The following FBXO15 variants were observed in gnomAD, a reference collection of about 807,000 sequenced individuals.
The protein encoded by FBXO15 is F-box protein 15, also known as F-box only protein 15.
A neutral mutation model predicts 49.5 loss-of-function variants in FBXO15; 30 were observed. The ratio of observed to expected loss-of-function variants is 0.61; its 90% CI spans 0.45 to 0.82. The LOEUF (loss-of-function observed/expected upper bound fraction) is 0.82. FBXO15 is among the 40% of genes least tolerant of loss of function. The probability of loss-of-function intolerance (pLI) is 0.00; values close to 1 mark genes in which losing one functional copy is unlikely to be tolerated. For synonymous variants in FBXO15, 250 were observed against 232.7 expected (o/e 1.07, Z -0.68); for missense variants, 591 against 631.5 (o/e 0.94, Z 0.69).
intron 8 of FBXO15, among the ~76,000 whole-genome samples, chr18:74,119,751 G>C (rs1387673929): frequency 6.6e-6 from 1 of 152,178 alleles, no homozygotes; most frequent in Admixed American, 6.5e-5. Context: ...GAGTGGGGAG[G>C]ACAGAAAAGG....
At chr18:74,093,524 T>A (rs1458596217) in intron 8 of FBXO15, among the ~76,000 whole-genome samples, 1 of 152,086 alleles carries the variant, frequency 6.6e-6, no homozygotes, top group African/African-American at 2.4e-5. Flanking sequence ...CTCAGGTGAG[T>A]CTGGCCTCAT....
intron 8 of FBXO15, among the ~76,000 whole-genome samples, chr18:74,118,562 T>A (rs1425988043): frequency 3.9e-5 from 6 of 152,104 alleles, no homozygotes; most frequent in African/African-American, 1.4e-4. Context: ...AAATTCTGTA[T>A]AAAGACTGTA....
intron 8 of FBXO15, among the ~76,000 whole-genome samples, chr18:74,118,450 T>G (rs1323327099): frequency 1.0e-4 from 14 of 139,256 alleles, no homozygotes; most frequent in Non-Finnish European, 4.7e-5. Context: ...ACACACATGT[T>G]GTATAAACAT....
chr18:74,139,200 T>A (rs866087985), intron 2 of FBXO15, among the ~76,000 whole-genome samples: 22 of 152,182 alleles, frequency 1.4e-4, no homozygotes, highest in Non-Finnish European at 1.0e-4. Context: ...GATCCATTTG[T>A]TTTCTCAACA....
chr18:74,106,971 T>C (rs1339286721), intron 8 of FBXO15, among the ~76,000 whole-genome samples: 1 of 152,148 alleles, frequency 6.6e-6, no homozygotes, highest in Non-Finnish European at 1.5e-5. Context: ...AAGAATGTAA[T>C]ATTGTTCACA....
intron 8 of FBXO15, among the ~76,000 whole-genome samples, chr18:74,116,661 C>T (rs1338593117): frequency 6.6e-6 from 1 of 152,170 alleles, no homozygotes; most frequent in Non-Finnish European, 1.5e-5. Context: ...GTGTGCCCTT[C>T]CTCAGAACAT....
In FBXO15 at chr18:74,140,314, T is replaced by C; in HGVS notation, c.117-2A>G. The C allele has an allele frequency of 6.5e-7, 1 of 1,547,690 alleles. No individual in the cohort carries two copies. The highest frequency in any genetic ancestry group is 8.7e-7 in the Non-Finnish European group (1 of 1,145,726). ...GAAAGCTTGACCCCTGGCCCCTTTC[T>C]GAAAGTAAATGTGGGAAATTCAAAT... On this transcript the variant is annotated splice_acceptor_variant, in intron 1 of 9. Coordinates refer to ENST00000419743, the MANE Select transcript of FBXO15 (RefSeq NM_001142958.2). LOFTEE classifies it high-confidence loss of function.
At chr18:74,103,856 T>C (rs924977201) in intron 8 of FBXO15, among the ~76,000 whole-genome samples, 1 of 152,126 alleles carries the variant, frequency 6.6e-6, no homozygotes, top group South Asian at 2.1e-4. Context: ...ACCAGACCTA[T>C]CTTATAAGAA....
intron 1 of FBXO15, among the ~76,000 whole-genome samples, chr18:74,143,498 T>C (rs1425111075): frequency 6.6e-6 from 1 of 152,234 alleles, no homozygotes; most frequent in East Asian, 1.9e-4. Context: ...TCCAGGATCC[T>C]TAAAAAGCAC....
intron 9 of FBXO15, among the ~76,000 whole-genome samples, chr18:74,078,233 A>AC (rs1184950481): frequency 6.6e-6 from 1 of 151,910 alleles, no homozygotes; most frequent in African/African-American, 2.4e-5. Context: ...TTCCCTCCTA[A>AC]CCTAAAACAT....
chr18:74,100,998 T>C (rs1913492055), intron 8 of FBXO15, among the ~76,000 whole-genome samples: 1 of 151,992 alleles, frequency 6.6e-6, no homozygotes, highest in South Asian at 2.1e-4. Context: ...TTGGTACCAA[T>C]CCTATTGACA....
At chr18:74,093,276 G>A (rs1913135666) in intron 8 of FBXO15, among the ~76,000 whole-genome samples, 1 of 150,774 alleles carries the variant, frequency 6.6e-6, no homozygotes, top group Admixed American at 6.6e-5. Flanking sequence ...GGGGGGGGTG[G>A]CTGCAGACAA....
chr18:74,115,990 C>T (rs1914215163), intron 8 of FBXO15, among the ~76,000 whole-genome samples: 1 of 152,190 alleles, frequency 6.6e-6, no homozygotes, highest in Non-Finnish European at 1.5e-5. Context: ...ATTTTCAAAA[C>T]TTAAGACCTG....
At chr18:74,090,416 T>G (rs1217748290) in intron 8 of FBXO15, among the ~76,000 whole-genome samples, 1 of 152,166 alleles carries the variant, frequency 6.6e-6, no homozygotes, top group Non-Finnish European at 1.5e-5. Flanking sequence ...AGTTCAGCTC[T>G]GATTTTGGTT....
At chr18:74,097,197 C>T (rs978584252) in intron 8 of FBXO15, 1 of 152,382 alleles carries the variant, frequency 6.6e-6, no homozygotes, top group Non-Finnish European at 1.5e-5. Context: ...TCCAGCTAAA[C>T]TTTGTAACAA....
At chr18:74,106,090 G>A (rs891428565) in intron 8 of FBXO15, among the ~76,000 whole-genome samples, 12 of 152,120 alleles carry the variant, frequency 7.9e-5, no homozygotes, top group African/African-American at 2.9e-4. Flanking sequence ...ATAAAAGAAG[G>A]TGCACTTATT....
intron 8 of FBXO15, among the ~76,000 whole-genome samples, chr18:74,091,292 ATG>A (rs1427086351): frequency 6.6e-6 from 1 of 152,052 alleles, no homozygotes; most frequent in African/African-American, 2.4e-5. Context: ...GTGTCACTGC[ATG>A]TGAGATGGGT....
In FBXO15 at chr18:74,075,780, C is replaced by G. The variant is rs1247325383; in HGVS notation, c.1264-2050G>C. 6.6e-6 allele frequency among the ~76,000 whole-genome samples: 1 copy of G among 152,196 alleles called. No individual in the cohort carries two copies. Among genetic ancestry groups the G allele is most frequent in the Non-Finnish European group, 1.5e-5 (1 of 68,030 alleles). On this transcript the variant is annotated intron_variant, in intron 9 of 9. Coordinates refer to ENST00000419743, the MANE Select transcript of FBXO15 (RefSeq NM_001142958.2). This position sits in a 1 kb window ranked among gnomAD's most constrained non-coding sequence, Gnocchi z 4.1. ...TCCAGAACCCACAAGCCCTGCAGCT[C>G]TCTACCCACTCCCATTGCTGAGGTT...
intron 8 of FBXO15, among the ~76,000 whole-genome samples, chr18:74,086,113 T>C (rs1361587277): frequency 6.6e-6 from 1 of 152,172 alleles, no homozygotes; most frequent in Non-Finnish European, 1.5e-5. Flanking sequence ...TTACCTATTA[T>C]AAATTCTTGG....
Sources: gnomAD v4.1 joint callset for allele counts (sites outside exome capture counted in the v4.1 genomes callset) on GRCh38, gnomAD v4.1.1 for gene constraint, Gnocchi (gnomAD v3.1) non-coding constraint, MANE v1.5 for transcripts, NCBI Gene and HGNC (gene_info 2026-07-23, HGNC 2026-07-21) for gene names.